The following MYOCD variants were observed in gnomAD, a reference collection of about 807,000 sequenced individuals.
The protein encoded by MYOCD is myocardin.
Under a neutral mutation model 96.1 loss-of-function variants are expected in MYOCD, and 32 were observed. The observed-to-expected ratio is 0.33, with a 90% CI of 0.25 to 0.45. The LOEUF is 0.45. MYOCD is among the 20% of genes least tolerant of loss of function. The pLI is 1.00. For synonymous variants in MYOCD, 469 were observed against 469.0 expected, an observed-to-expected ratio of 1.00 and a Z score of 0.00; for missense variants, 1,133 against 1,200.6, an observed-to-expected ratio of 0.94 and a Z score of 0.83.
chr17:12,681,469 C>T (rs1053498775), intron 1 of MYOCD, among the ~76,000 whole-genome samples: 3 of 152,130 alleles, frequency 2.0e-5, no homozygotes, highest in South Asian at 2.1e-4. Context: ...TCGCAGTGTT[C>T]GTGTGAACAG....
intron 2 of MYOCD, chr17:12,706,005 T>G (rs1382211933): frequency 1.3e-5 from 2 of 152,242 alleles, no homozygotes; most frequent in Non-Finnish European, 2.9e-5. Flanking sequence ...TGAAGCCCTA[T>G]GTATAGCCCT....
intron 1 of MYOCD, among the ~76,000 whole-genome samples, chr17:12,668,698 G>GAC (rs1909507301): frequency 6.6e-6 from 1 of 151,946 alleles, no homozygotes; most frequent in Non-Finnish European, 1.5e-5. Flanking sequence ...AGTGGTCTCT[G>GAC]CTTACTAGCT....
At chr17:12,692,202 C>A (rs2030485256) in intron 1 of MYOCD, among the ~76,000 whole-genome samples, 2 of 152,230 alleles carry the variant, frequency 1.3e-5, no homozygotes, top group South Asian at 4.1e-4. Context: ...ACCATCACTC[C>A]TGGGCACAGC....
Position 12,744,174 on chromosome 17 carries a change from T to C in MYOCD, c.718-9T>C, listed in dbSNP as rs2032592188. ...TAAAGCACATGCAATTTCCTCATCT[T>C]CTTTGCAGTCCAAATCCTTGGGTGA... On this transcript the variant is annotated splice_polypyrimidine_tract_variant and intron_variant, in intron 7 of 13. Transcript: ENST00000425538. 6.2e-7 allele frequency: 1 copy of C among 1,613,574 alleles called. No individual in the cohort carries two copies. The highest frequency in any genetic ancestry group is 8.5e-7 in the Non-Finnish European group (1 of 1,179,780).
intron 8 of MYOCD, among the ~76,000 whole-genome samples, chr17:12,745,693 A>G (rs1045910137): frequency 3.3e-5 from 5 of 152,146 alleles, no homozygotes; most frequent in African/African-American, 1.2e-4. Context: ...GTCCTCTTTC[A>G]TATGCCAAAG....
intron 1 of MYOCD, 93 bp from the exon 2 acceptor site, chr17:12,705,035 A>C: frequency 1.3e-6 from 1 of 783,090 alleles, no homozygotes; most frequent in South Asian, 1.8e-5. Flanking sequence ...CTCTTTTAGA[A>C]ATAAAATGAG....
intron 1 of MYOCD, among the ~76,000 whole-genome samples, chr17:12,668,514 A>G (rs565926422): frequency 4.3e-4 from 65 of 152,358 alleles, no homozygotes; most frequent in African/African-American, 1.4e-3. Context: ...CCAACTTTCT[A>G]TAAGCTGTAT....
At chr17:12,734,929 C>A (rs2032298380) in intron 5 of MYOCD, among the ~76,000 whole-genome samples, 1 of 152,212 alleles carries the variant, frequency 6.6e-6, no homozygotes, top group Non-Finnish European at 1.5e-5. Context: ...AGCCCCAAAC[C>A]CTTCCCAGTT....
chr17:12,667,527 G>A (rs539585051), intron 1 of MYOCD, among the ~76,000 whole-genome samples: 5 of 152,138 alleles, frequency 3.3e-5, no homozygotes, highest in East Asian at 1.9e-4. Context: ...CGTTGTATTC[G>A]GTCAAAACTG....
rs886083811 is a variant in MYOCD at position 12,740,418 on chromosome 17, G to T, written c.717+1090G>T. Among the ~76,000 whole-genome samples, 3 of 152,276 alleles carry T rather than the reference G, an allele frequency of 2.0e-5. No homozygotes were observed. The South Asian group carries it at 6.2e-4, about 32-fold the overall frequency. On this transcript the variant is annotated intron_variant, in intron 7 of 13. Coordinates refer to ENST00000425538, the MANE Select transcript of MYOCD (RefSeq NM_001146312.3). The stretch of plus-strand genomic sequence containing the variant: ...TTCCCACTTATAAGTGAGAACACAT[G>T]ATACTTGGTTTTCCATTCCTGAGTT...
At chr17:12,670,108 G>A (rs968941754) in intron 1 of MYOCD, among the ~76,000 whole-genome samples, 3 of 152,126 alleles carry the variant, frequency 2.0e-5, no homozygotes, top group African/African-American at 7.2e-5. Flanking sequence ...AGGAAGATAA[G>A]CTCAGCAGGC....
At chr17:12,732,591 C>A (rs145485766) in intron 5 of MYOCD, among the ~76,000 whole-genome samples, 2 of 152,180 alleles carry the variant, frequency 1.3e-5, no homozygotes, top group East Asian at 1.9e-4. Flanking sequence ...TTCTCTTAGC[C>A]ATATCTTATC....
At chr17:12,696,133 T>A (rs1465126423) in intron 1 of MYOCD, among the ~76,000 whole-genome samples, 1 of 151,072 alleles carries the variant, frequency 6.6e-6, no homozygotes, top group Non-Finnish European at 1.5e-5. Context: ...CTCGGCTCAC[T>A]GCAACCTCCA....
chr17:12,730,063 C>T (rs2032122524), intron 5 of MYOCD, among the ~76,000 whole-genome samples: 1 of 152,036 alleles, frequency 6.6e-6, no homozygotes, highest in South Asian at 2.1e-4. Context: ...AGGAGGATCA[C>T]TTGAACCCAG....
chr17:12,743,837 G>A lies in MYOCD; in HGVS notation c.718-346G>A, dbSNP rs150995677. ...CTACAAGTAGTCTCAAGATCAGAATGCAACCTTTGTTAGGTCATCAGTTGG... is the reference window on the plus strand; with the variant it reads ...CTACAAGTAGTCTCAAGATCAGAATACAACCTTTGTTAGGTCATCAGTTGG... On this transcript the variant is annotated intron_variant, in intron 7 of 13. Coordinates refer to ENST00000425538, the MANE Select transcript of MYOCD (RefSeq NM_001146312.3). Among the ~76,000 whole-genome samples, 28 of 152,250 alleles carry A rather than the reference G, an allele frequency of 1.8e-4. 2 individuals carry two copies. The East Asian group carries it at 5.4e-3, about 29-fold the overall frequency.
chr17:12,722,715 T>C (rs558949184), intron 4 of MYOCD, 132 bp from the exon 5 acceptor site: 3 of 693,934 alleles, frequency 4.3e-6, no homozygotes, highest in Non-Finnish European at 7.3e-6. Context: ...TGATGATGAT[T>C]GCATCGAAAA....
chr17:12,698,579 C>T (rs551006135), intron 1 of MYOCD, among the ~76,000 whole-genome samples: 38 of 152,114 alleles, frequency 2.5e-4, no homozygotes, highest in Non-Finnish European at 4.7e-4. Flanking sequence ...AATGATTGAA[C>T]GAATGTAATG....
At chr17:12,698,331 A>G (rs2030879584) in intron 1 of MYOCD, among the ~76,000 whole-genome samples, 1 of 152,234 alleles carries the variant, frequency 6.6e-6, no homozygotes, top group African/African-American at 2.4e-5. Context: ...GTCCATAGAA[A>G]TACTCATTTA....
In MYOCD at chr17:12,763,257, ATTAAATTCCCAGAGC is replaced by A. The variant is rs1567605135; in HGVS notation, c.2575_2589del (p.Leu859_Ser863del). 2.5e-6 allele frequency: 4 copies of A among 1,613,736 alleles called. No homozygotes were observed. The highest frequency in any genetic ancestry group is 1.3e-5 in the African/African-American group (1 of 74,886). On this transcript the variant is annotated inframe_deletion, in exon 14 of 14. Coordinates refer to ENST00000425538, the MANE Select transcript of MYOCD (RefSeq NM_001146312.3). ...ACAGTGATGAGCATCTTGAAGTCTT[ATTAAATTCCCAGAGC>A]CCCCTAGGAAAGATGAGTGATGTCA...
Sources: allele counts gnomAD v4.1 joint callset (sites outside exome capture counted in the v4.1 genomes callset), GRCh38; gene constraint gnomAD v4.1.1; transcripts MANE v1.5; gene names NCBI Gene and HGNC (gene_info 2026-07-23, HGNC 2026-07-21).